Variants in SLC24A2 observed in about 807,000 individuals in gnomAD.
The protein encoded by SLC24A2 is solute carrier family 24 member 2.
SLC24A2 carries 36 observed loss-of-function variants against 62.0 expected under a neutral mutation model. The ratio of observed to expected loss-of-function variants is 0.58; its 90% CI spans 0.44 to 0.77. The LOEUF is 0.77. SLC24A2 is among the 30% of genes least tolerant of loss of function. SLC24A2 has a pLI of 0.00. For missense variants in SLC24A2, 846 were observed against 817.9 expected (o/e 1.03, Z -0.42); for synonymous variants, 358 against 294.0 (o/e 1.22, Z -2.23).
At chr9:19,959,945 G>C in the SLC24A2 span, among the ~76,000 whole-genome samples, 1 of 152,224 alleles carries the variant, frequency 6.6e-6, no homozygotes, top group Non-Finnish European at 1.5e-5. Context: ...TGGGATAAGG[G>C]TAACCAATTG....
chr9:19,897,020 C>A, the SLC24A2 span, among the ~76,000 whole-genome samples: 1 of 151,858 alleles, frequency 6.6e-6, no homozygotes, highest in East Asian at 1.9e-4. Flanking sequence ...CAACAGAGCT[C>A]ACATTCATGG....
chr9:19,888,640 A>T, the SLC24A2 span, among the ~76,000 whole-genome samples: 1 of 152,120 alleles, frequency 6.6e-6, no homozygotes. Flanking sequence ...ATTCCGAGAA[A>T]TTTTGGTACT....
Position 19,508,262 on chromosome 9 carries a change from A to C in SLC24A2, c.*7891T>G, listed in dbSNP as rs145256349. 4.6e-5 allele frequency: 7 copies of C among 152,300 alleles called. No homozygotes were observed. In the East Asian group the frequency reaches 1.4e-3, roughly 29 times the overall value. The allele number at this position is 152,300 out of a possible 1,614,324, so 9.4% of individuals were successfully genotyped here. ...TCAGTAACTGAGGCTCCCTCTTCCG[A>C]ATAGAGTCTCAGCCCTTTAGAGAAA... is the stretch of plus-strand genomic sequence containing the variant. On this transcript the variant is annotated 3_prime_UTR_variant, in exon 11 of 11. Transcript: ENST00000341998.
chr9:20,065,956 A>C, the SLC24A2 span, among the ~76,000 whole-genome samples: 1 of 152,176 alleles, frequency 6.6e-6, no homozygotes, highest in East Asian at 1.9e-4. Context: ...TGTGCCCTTG[A>C]AGCTTCACTA....
the SLC24A2 span, among the ~76,000 whole-genome samples, chr9:19,944,799 G>A: frequency 2.6e-5 from 4 of 152,072 alleles, no homozygotes; most frequent in East Asian, 1.9e-4. Context: ...ATTTGTCTTC[G>A]TTAATCTGTT....
chr9:19,508,406 G>A lies in SLC24A2; in HGVS notation c.*7747C>T, dbSNP rs1832588463. On this transcript the variant is annotated 3_prime_UTR_variant, in exon 11 of 11. Coordinates refer to ENST00000341998, the MANE Select transcript of SLC24A2 (RefSeq NM_020344.4). ...AAAATTGATGGGGTTGTCCAGTTTA[G>A]TACCCATGTTTACTCTATATGGACA... The A allele has an allele frequency of 6.6e-6, 1 of 152,128 alleles. No homozygotes were observed. The highest frequency in any genetic ancestry group is 1.5e-5 in the Non-Finnish European group (1 of 68,024). 9.4% of individuals were successfully genotyped at this position (152,128 alleles called of 1,614,324 possible). A position where few individuals can be genotyped will look rare whatever the true frequency, so the allele number is the denominator to read the frequency against.
the SLC24A2 span, among the ~76,000 whole-genome samples, chr9:20,274,358 A>C: frequency 0.12 from 18,231 of 152,150 alleles, 2,062 homozygotes; most frequent in East Asian, 0.52. Context: ...AAGGCATTTT[A>C]GCTCGCATGA....
In SLC24A2 at chr9:19,528,081, A is replaced by G; in HGVS notation, c.1537T>C (p.Phe513Leu). Residue 513 changes from phenylalanine to leucine, a missense_variant, in exon 9 of 11, where the codon TTC becomes CTC. Transcript: ENST00000341998. Reference protein sequence around the residue: ...FFGSITWIAVFSYLMVWWAHQ... With the variant: ...FFGSITWIAVLSYLMVWWAHQ... ...GCCCACCAGACCATCAAGTAAGAGAATACTGCAATCCAGGTAATGGAGCCA... is the reference window on the plus strand; with the variant it reads ...GCCCACCAGACCATCAAGTAAGAGAGTACTGCAATCCAGGTAATGGAGCCA... 1.3e-6 allele frequency: 2 copies of G among 1,598,578 alleles called. No homozygotes were observed. Among genetic ancestry groups the G allele is most frequent in the Non-Finnish European group, 1.7e-6 (2 of 1,171,970 alleles).
the SLC24A2 span, among the ~76,000 whole-genome samples, chr9:19,962,272 T>C: frequency 6.6e-6 from 1 of 152,206 alleles, no homozygotes; most frequent in Non-Finnish European, 1.5e-5. Flanking sequence ...TGTAGCCTTG[T>C]AGTATAGTTT....
At chr9:20,102,932 C>G in the SLC24A2 span, among the ~76,000 whole-genome samples, 1 of 152,168 alleles carries the variant, frequency 6.6e-6, no homozygotes, top group Non-Finnish European at 1.5e-5. Flanking sequence ...TCAGGGAGTT[C>G]CCTTTCCTAG....
At chr9:19,713,596 AC>A (rs1820776974) in intron 2 of SLC24A2, among the ~76,000 whole-genome samples, 1 of 138,958 alleles carries the variant, frequency 7.2e-6, no homozygotes, top group African/African-American at 2.4e-5. Context: ...TGAGCAAAAG[AC>A]CTTTTGATAA....
At chr9:19,716,360 A>G (rs1262300031) in intron 2 of SLC24A2, among the ~76,000 whole-genome samples, 1 of 152,186 alleles carries the variant, frequency 6.6e-6, no homozygotes, top group Non-Finnish European at 1.5e-5. Flanking sequence ...TATTTCATTC[A>G]GCATACTTAT....
At chr9:20,228,739 C>T in the SLC24A2 span, among the ~76,000 whole-genome samples, 95 of 152,238 alleles carry the variant, frequency 6.2e-4, no homozygotes, top group African/African-American at 2.0e-3. Flanking sequence ...CAGTATCCAG[C>T]CTGTGCCTTC....
At chr9:19,813,317 CTTTTT>C in the SLC24A2 span, among the ~76,000 whole-genome samples, 11 of 86,274 alleles carry the variant, frequency 1.3e-4, no homozygotes, top group African/African-American at 3.7e-4. Context: ...TCATCTTCCT[CTTTTT>C]TTTTTTTTTT....
At chr9:20,175,997 G>T in the SLC24A2 span, among the ~76,000 whole-genome samples, 1 of 152,010 alleles carries the variant, frequency 6.6e-6, no homozygotes, top group African/African-American at 2.4e-5. Flanking sequence ...GGAGGATTTG[G>T]AAGGGCAAAA....
the SLC24A2 span, among the ~76,000 whole-genome samples, chr9:20,057,635 T>G: frequency 6.6e-6 from 1 of 152,248 alleles, no homozygotes; most frequent in Admixed American, 6.5e-5. Context: ...TCTCACCAAA[T>G]ACATTCATTC....
At chr9:19,704,798 CT>C (rs35780199) in intron 2 of SLC24A2, among the ~76,000 whole-genome samples, 51,049 of 135,692 alleles carry the variant, frequency 0.38, 9,982 homozygotes, top group African/African-American at 0.56. Context: ...AAAAACCAAA[CT>C]TTTTTTTTTT....
the SLC24A2 span, among the ~76,000 whole-genome samples, chr9:19,802,699 A>AC: frequency 6.6e-6 from 1 of 152,232 alleles, no homozygotes; most frequent in Non-Finnish European, 1.5e-5. Flanking sequence ...TTCTTGAAAA[A>AC]GTAAATGAAA....
chr9:20,019,854 T>C, the SLC24A2 span, among the ~76,000 whole-genome samples: 12 of 141,752 alleles, frequency 8.5e-5, no homozygotes, highest in Non-Finnish European at 1.8e-4. Flanking sequence ...GAATCTACAA[T>C]GAACTCAAAC....
Sources: gnomAD v4.1 joint callset for allele counts (sites outside exome capture counted in the v4.1 genomes callset) on GRCh38, gnomAD v4.1.1 for gene constraint, MANE v1.5 for transcripts, NCBI Gene and HGNC (gene_info 2026-07-23, HGNC 2026-07-21) for gene names.